PRDM5: variants seen among roughly 807,000 people sequenced by gnomAD.
PRDM5 encodes the protein PR/SET domain 5.
In PRDM5, 56 loss-of-function variants were observed where a neutral mutation model predicts 81.2. The observed-to-expected ratio is 0.69, with a 90% CI of 0.56 to 0.86. The LOEUF is 0.86. Ranked by LOEUF, PRDM5 falls within the 40% of genes least tolerant of loss-of-function variation. The pLI, the probability that PRDM5 is intolerant of heterozygous loss-of-function variation, is 0.00. For synonymous variants in PRDM5, 267 were observed against 256.4 expected, an observed-to-expected ratio of 1.04 and a Z score of -0.39; for missense variants, 697 against 770.1, an observed-to-expected ratio of 0.91 and a Z score of 1.12.
chr4:120,771,211 A>G (rs1747242100), intron 13 of PRDM5, among the ~76,000 whole-genome samples: 2 of 152,174 alleles, frequency 1.3e-5, no homozygotes. Flanking sequence ...TAAAACAAAC[A>G]TTATTGCCCG....
intron 1 of PRDM5, among the ~76,000 whole-genome samples, chr4:120,922,082 GAA>G (rs1401024466): frequency 6.6e-6 from 1 of 152,180 alleles, no homozygotes; most frequent in Non-Finnish European, 1.5e-5. Flanking sequence ...CATCCTAAAG[GAA>G]AAGAGGCGAC....
At chr4:120,908,116 T>A (rs1766042125) in intron 1 of PRDM5, among the ~76,000 whole-genome samples, 1 of 152,242 alleles carries the variant, frequency 6.6e-6, no homozygotes, top group African/African-American at 2.4e-5. Flanking sequence ...CCCACATGCA[T>A]GAGAAACACC....
At chr4:120,788,707 T>G (rs1750126000) in intron 10 of PRDM5, among the ~76,000 whole-genome samples, 1 of 152,182 alleles carries the variant, frequency 6.6e-6, no homozygotes, top group Non-Finnish European at 1.5e-5. Flanking sequence ...GCCTTTTAAC[T>G]ATGTTCAACC....
intron 13 of PRDM5, among the ~76,000 whole-genome samples, chr4:120,757,899 TTCTGTCTC>T (rs951481146): frequency 1.3e-5 from 2 of 151,848 alleles, no homozygotes; most frequent in Non-Finnish European, 2.9e-5. Context: ...CTTCTTCTTC[TTCTGTCTC>T]TCTCCCTTCC....
chr4:120,686,684 T>C (rs1733845053), intron 1 of PRDM5, among the ~76,000 whole-genome samples: 2 of 152,168 alleles, frequency 1.3e-5, no homozygotes, highest in Admixed American at 1.3e-4. Flanking sequence ...ATTAAATATC[T>C]ATATTAACAC....
At position 120,738,649 on chromosome 4, in the gene PRDM5, C is replaced by T. The variant is rs191929522; in HGVS notation, c.1623+15904G>A. 1.3e-3 allele frequency among the ~76,000 whole-genome samples: 205 copies of T among 152,200 alleles called. 1 individual carries two copies. Among genetic ancestry groups the T allele is most frequent in the African/African-American group, 4.7e-3 (195 of 41,536 alleles). On this transcript the variant is annotated intron_variant, in intron 14 of 15. Transcript: ENST00000264808. The stretch of plus-strand genomic sequence containing the variant: ...TATTTTCCAAAAACAAAATACAACT[C>T]CCATTGGTAAATGGTGATATTGAGA...
intron 3 of PRDM5, among the ~76,000 whole-genome samples, chr4:120,827,941 C>T (rs537119481): frequency 2.6e-5 from 4 of 152,178 alleles, no homozygotes; most frequent in South Asian, 2.1e-4. Flanking sequence ...GACTCTACTG[C>T]TAATTTCTGC....
At chr4:120,852,991 A>C (rs1759455691) in intron 3 of PRDM5, among the ~76,000 whole-genome samples, 1 of 151,772 alleles carries the variant, frequency 6.6e-6, no homozygotes, top group East Asian at 1.9e-4. Context: ...CTAACACACC[A>C]CCTCCGACAA....
At chr4:120,753,523 G>T (rs913036366) in intron 14 of PRDM5, among the ~76,000 whole-genome samples, 2 of 152,108 alleles carry the variant, frequency 1.3e-5, no homozygotes, top group Admixed American at 6.6e-5. Flanking sequence ...GGACCACAGA[G>T]GATAGCTTTT....
chr4:120,876,552 GA>G (rs1762350942), intron 2 of PRDM5, among the ~76,000 whole-genome samples: 1 of 151,992 alleles, frequency 6.6e-6, no homozygotes, highest in South Asian at 2.1e-4. Context: ...CATTATAACA[GA>G]ACTGACTGTA....
chr4:120,913,959 C>T (rs1014756835), intron 1 of PRDM5, among the ~76,000 whole-genome samples: 3 of 152,160 alleles, frequency 2.0e-5, no homozygotes, highest in Admixed American at 1.3e-4. Context: ...ACCCATTTGC[C>T]TTCTACCACC....
intron 13 of PRDM5, among the ~76,000 whole-genome samples, chr4:120,767,454 T>C (rs1162859352): frequency 2.6e-5 from 4 of 152,086 alleles, no homozygotes; most frequent in African/African-American, 4.8e-5. Context: ...AAAAAGAAAT[T>C]TGATTTCCGA....
At chr4:120,840,207 T>C (rs1157416087) in intron 3 of PRDM5, among the ~76,000 whole-genome samples, 1 of 152,112 alleles carries the variant, frequency 6.6e-6, no homozygotes, top group Non-Finnish European at 1.5e-5. Flanking sequence ...GGGCTCCAGG[T>C]TCTCGCCGGG....
intron 2 of PRDM5, among the ~76,000 whole-genome samples, chr4:120,887,421 C>T (rs1763559484): frequency 1.3e-5 from 2 of 152,194 alleles, no homozygotes; most frequent in Admixed American, 6.5e-5. Flanking sequence ...CCCTGCTCCA[C>T]TCTTGCCTCT....
chr4:120,732,726 T>A (rs1161165991), intron 14 of PRDM5, among the ~76,000 whole-genome samples: 1 of 152,230 alleles, frequency 6.6e-6, no homozygotes, highest in Non-Finnish European at 1.5e-5. Flanking sequence ...TTCCCTTTAA[T>A]TTCATGACCA....
At chr4:120,810,270 G>A (rs1753643736) in intron 8 of PRDM5, among the ~76,000 whole-genome samples, 1 of 152,004 alleles carries the variant, frequency 6.6e-6, no homozygotes, top group African/African-American at 2.4e-5. Context: ...ATAAATCATA[G>A]AATTATAAAA....
At chr4:120,837,784 A>G (rs569071649) in intron 3 of PRDM5, 3 of 152,186 alleles carry the variant, frequency 2.0e-5, no homozygotes, top group Non-Finnish European at 2.9e-5. Flanking sequence ...AACTCACAGC[A>G]AGAATGACTA....
At chr4:120,716,175 A>T (rs1578454922) in intron 14 of PRDM5, among the ~76,000 whole-genome samples, 2 of 152,332 alleles carry the variant, frequency 1.3e-5, no homozygotes, top group Non-Finnish European at 2.9e-5. Flanking sequence ...ATGTTTATAC[A>T]TGCTATTGCT....
intron 10 of PRDM5, among the ~76,000 whole-genome samples, chr4:120,796,994 A>G (rs1751432378): frequency 1.3e-5 from 2 of 152,340 alleles, no homozygotes; most frequent in African/African-American, 4.8e-5. Context: ...AAGATGTTGA[A>G]TATCTTTGGA....
Sources: allele counts gnomAD v4.1 joint callset (sites outside exome capture counted in the v4.1 genomes callset), GRCh38; gene constraint gnomAD v4.1.1; transcripts MANE v1.5; gene names NCBI Gene and HGNC (gene_info 2026-07-23, HGNC 2026-07-21).